Variants in ADGRV1 observed in about 807,000 individuals in gnomAD.
The protein encoded by ADGRV1 is G-protein coupled receptor 98.
ADGRV1 carries 359 observed loss-of-function variants against 596.2 expected under a neutral mutation model. The observed-to-expected ratio is 0.60, with a 90% confidence interval of 0.55 to 0.66. The LOEUF (loss-of-function observed/expected upper bound fraction) is 0.66. Among genes scored for constraint, ADGRV1 ranks in the 30% least tolerant of loss-of-function variants. The pLI is 0.00. For missense variants in ADGRV1, 7,274 were observed against 7,575.6 expected (o/e 0.96, Z 1.48); for synonymous variants, 2,681 against 2,679.2 (o/e 1.00, Z -0.02).
At chr5:90,798,093 A>G (rs1760951042) in intron 70 of ADGRV1, among the ~76,000 whole-genome samples, 1 of 152,176 alleles carries the variant, frequency 6.6e-6, no homozygotes, top group Non-Finnish European at 1.5e-5. Context: ...ACTGAAGGAG[A>G]TAGAGATATG....
chr5:90,715,378 T>C (rs1180218833), intron 42 of ADGRV1, among the ~76,000 whole-genome samples: 1 of 152,214 alleles, frequency 6.6e-6, no homozygotes, highest in Non-Finnish European at 1.5e-5. Context: ...ATTTACCAGC[T>C]CCTATTTCTG....
At chr5:90,691,343 A>G (rs1746441767) in intron 31 of ADGRV1, among the ~76,000 whole-genome samples, 1 of 150,696 alleles carries the variant, frequency 6.6e-6, no homozygotes, top group Non-Finnish European at 1.5e-5. Context: ...ACACATATAT[A>G]GTCTTAATTT....
In ADGRV1 at chr5:90,629,454, T is replaced by A; in HGVS notation, c.1754T>A (p.Phe585Tyr). 1 of 1,613,612 alleles carries A rather than the reference T, an allele frequency of 6.2e-7. No individual in the cohort carries two copies. The highest frequency in any genetic ancestry group is 1.1e-5 in the South Asian group (1 of 91,046). Residue 585 changes from phenylalanine (F) to tyrosine (Y), a missense_variant, in exon 9 of 90, where the codon TTT (phenylalanine) becomes TAT (tyrosine). Physicochemically the swap from Phe to Tyr is conservative, Grantham distance 22 (BLOSUM62 3). This residue lies in a region of ADGRV1 where 1,715 missense variants were observed against 1,708.8 expected (regional missense o/e 1.00). Transcript: ENST00000405460. ...LNISRRNDLI[F>Y]PEQKTQVTTK... ...ATATCAAGGAGAAATGACCTCATTTTTCCAGAGCAAAAAACTCAAGTCACT... is the reference window on the plus strand; with the variant it reads ...ATATCAAGGAGAAATGACCTCATTTATCCAGAGCAAAAAACTCAAGTCACT...
At chr5:91,114,565 G>C (rs1231327308) in intron 87 of ADGRV1, among the ~76,000 whole-genome samples, 1 of 152,078 alleles carries the variant, frequency 6.6e-6, no homozygotes, top group African/African-American at 2.4e-5. Context: ...GGAAGGGAAG[G>C]AAATGGGTTT....
intron 89 of ADGRV1, among the ~76,000 whole-genome samples, chr5:91,162,414 A>AT (rs1252834626): frequency 1.3e-5 from 2 of 152,146 alleles, no homozygotes; most frequent in African/African-American, 4.8e-5. Flanking sequence ...AGGTGCCAGC[A>AT]TAAGAACGTC....
chr5:91,084,466 G>A (rs550179377), intron 86 of ADGRV1, among the ~76,000 whole-genome samples: 1 of 152,238 alleles, frequency 6.6e-6, no homozygotes, highest in East Asian at 1.9e-4. Flanking sequence ...TGGCCAACAG[G>A]CACATGAAAA....
intron 87 of ADGRV1, among the ~76,000 whole-genome samples, chr5:91,144,079 T>TC (rs375555730): frequency 0.012 from 1,822 of 152,032 alleles, 35 homozygotes; most frequent in African/African-American, 0.041. Flanking sequence ...GCAGGGGCAG[T>TC]GGGGGGCTTC....
In ADGRV1 at chr5:90,685,829, A is replaced by AG; in HGVS notation, c.6324_6325insG (p.Ile2109AspfsTer6). 1 of 1,612,084 alleles carries AG rather than the reference A, an allele frequency of 6.2e-7. No individual in the cohort carries two copies. Among genetic ancestry groups the AG allele is most frequent in the Non-Finnish European group, 8.5e-7 (1 of 1,178,836 alleles). On this transcript the variant is annotated frameshift_variant, in exon 29 of 90. Coordinates refer to ENST00000405460, the MANE Select transcript of ADGRV1 (RefSeq NM_032119.4). LOFTEE classifies it high-confidence loss of function. ...CTAAGGTAGAAACTATTGCGCAACT[A>AG]ATTATCATTGCCAATGATGATGCAT... is the stretch of plus-strand genomic sequence containing the variant.
Position 90,947,588 on chromosome 5 carries a change from A to T in ADGRV1, c.17857-17827A>T, listed in dbSNP as rs930815318. On this transcript the variant is annotated intron_variant, in intron 83 of 89. Transcript: ENST00000405460. ...ATACAGGTGTAGACGGCATTAGAGT[A>T]TTGATGGATGAAAGTGGGGATATAA... 1.2e-4 allele frequency among the ~76,000 whole-genome samples: 19 copies of T among 152,096 alleles called. No individual in the cohort carries two copies. The East Asian group carries it at 2.7e-3, about 22-fold the overall frequency.
At chr5:90,821,081 A>C (rs890641345) in intron 75 of ADGRV1, among the ~76,000 whole-genome samples, 4 of 152,054 alleles carry the variant, frequency 2.6e-5, no homozygotes, top group Non-Finnish European at 2.9e-5. Flanking sequence ...GTCTTTTCAC[A>C]TAGTCGCATA....
chr5:91,012,700 A>G (rs1175218074), intron 85 of ADGRV1, among the ~76,000 whole-genome samples: 1 of 152,040 alleles, frequency 6.6e-6, no homozygotes, highest in Non-Finnish European at 1.5e-5. Context: ...TGTTTAAAAT[A>G]CATAATTATA....
intron 50 of ADGRV1, among the ~76,000 whole-genome samples, chr5:90,730,572 A>G (rs1430045537): frequency 6.6e-6 from 1 of 152,208 alleles, no homozygotes; most frequent in Non-Finnish European, 1.5e-5. Context: ...CATCAGAAAC[A>G]TAAGCAATAT....
intron 86 of ADGRV1, among the ~76,000 whole-genome samples, chr5:91,088,929 C>G (rs1790136760): frequency 6.6e-6 from 1 of 152,102 alleles, no homozygotes; most frequent in African/African-American, 2.4e-5. Context: ...CTCTTTCTCC[C>G]TAGAGTATAT....
intron 25 of ADGRV1, among the ~76,000 whole-genome samples, chr5:90,677,093 T>C (rs1744330878): frequency 6.6e-6 from 1 of 152,160 alleles, no homozygotes; most frequent in Non-Finnish European, 1.5e-5. Flanking sequence ...AGAGATGATA[T>C]GGTGTTTATC....
intron 1 of ADGRV1, among the ~76,000 whole-genome samples, chr5:90,583,884 G>A (rs939703535): frequency 6.6e-6 from 1 of 152,110 alleles, no homozygotes; most frequent in African/African-American, 2.4e-5. Flanking sequence ...TAATACGATA[G>A]GTGCTATAGA....
At chr5:91,140,547 G>A (rs964426812) in intron 87 of ADGRV1, among the ~76,000 whole-genome samples, 2 of 151,946 alleles carry the variant, frequency 1.3e-5, no homozygotes, top group Non-Finnish European at 1.5e-5. Context: ...CTTTTCTCCA[G>A]TTTTTATTAA....
intron 71 of ADGRV1, 98 bp downstream of exon 71, chr5:90,802,980 CTA>C: frequency 1.1e-6 from 1 of 937,880 alleles, no homozygotes; most frequent in Non-Finnish European, 1.5e-6. Context: ...TCATGAGTAA[CTA>C]TTTTCTTAAA....
Position 91,151,449 on chromosome 5 carries a change from T to C in ADGRV1, c.18624+1228T>C, listed in dbSNP as rs142058308. 3.8e-3 allele frequency among the ~76,000 whole-genome samples: 578 copies of C among 152,240 alleles called. 4 individuals are homozygous for C. Among genetic ancestry groups the C allele is most frequent in the African/African-American group, 0.013 (560 of 41,550 alleles). On this transcript the variant is annotated intron_variant, in intron 88 of 89. Coordinates refer to ENST00000405460, the MANE Select transcript of ADGRV1 (RefSeq NM_032119.4). Reference sequence around the variant, plus strand: ...ATAAAATGAATAAGTTCAAGTACAGTCTTTAAAAATCAACCTATATCTTTA... The same window carrying C: ...ATAAAATGAATAAGTTCAAGTACAGCCTTTAAAAATCAACCTATATCTTTA...
At chr5:90,601,473 TAAAAG>T (rs1300021372) in intron 1 of ADGRV1, among the ~76,000 whole-genome samples, 1 of 152,178 alleles carries the variant, frequency 6.6e-6, no homozygotes, top group Non-Finnish European at 1.5e-5. Flanking sequence ...TTATGAATCT[TAAAAG>T]AATACCGTAC....
Sources: allele counts gnomAD v4.1 joint callset (sites outside exome capture counted in the v4.1 genomes callset), GRCh38; gene constraint gnomAD v4.1.1; regional missense constraint gnomAD v4.1.1; transcripts MANE v1.5; gene names NCBI Gene and HGNC (gene_info 2026-07-23, HGNC 2026-07-21).